The following ERBIN variants were observed in gnomAD, a reference collection of about 807,000 sequenced individuals.
ERBIN encodes the protein erbb2 interacting protein, also known as densin-180-like protein.
A neutral mutation model predicts 158.4 loss-of-function variants in ERBIN; 60 were observed. The observed-to-expected ratio is 0.38, with a 90% CI of 0.31 to 0.47. ERBIN has a LOEUF of 0.47. Among genes scored for constraint, ERBIN ranks in the 20% least tolerant of loss-of-function variants. The pLI, the probability that ERBIN is intolerant of heterozygous loss-of-function variation, is 0.99. For synonymous variants in ERBIN, 594 were observed against 557.2 expected (o/e 1.07, Z -0.93); for missense variants, 1,610 against 1,648.0 (o/e 0.98, Z 0.40).
intron 25 of ERBIN, 33 bp from the exon 26 acceptor site, chr5:66,078,390 A>T: frequency 1.5e-6 from 2 of 1,306,214 alleles, no homozygotes; most frequent in Non-Finnish European, 2.2e-6. Context: ...TAACTATAAA[A>T]TGTTTTTCCT....
chr5:65,956,464 CCT>C (rs1747145842), intron 1 of ERBIN, among the ~76,000 whole-genome samples: 1 of 148,374 alleles, frequency 6.7e-6, no homozygotes, highest in Non-Finnish European at 1.5e-5. Context: ...GCAACCTTTG[CCT>C]CTCAGGCTCA....
intron 22 of ERBIN, among the ~76,000 whole-genome samples, chr5:66,073,777 T>C (rs1041617581): frequency 1.3e-5 from 2 of 152,158 alleles, no homozygotes; most frequent in Admixed American, 1.3e-4. Context: ...AGATTTTCTG[T>C]CTGTTAATAA....
chr5:66,070,241 C>T (rs1761408040), intron 21 of ERBIN, among the ~76,000 whole-genome samples: 1 of 152,004 alleles, frequency 6.6e-6, no homozygotes, highest in Non-Finnish European at 1.5e-5. Context: ...GACGGGGTTT[C>T]ACTATGTTGG....
intron 2 of ERBIN, among the ~76,000 whole-genome samples, chr5:65,989,193 T>A (rs959099738): frequency 6.6e-6 from 1 of 152,174 alleles, no homozygotes; most frequent in African/African-American, 2.4e-5. Context: ...TCCTTTTGGA[T>A]TATTTCCTTG....
At chr5:65,975,066 GGT>G (rs1749702641) in intron 1 of ERBIN, among the ~76,000 whole-genome samples, 1 of 152,184 alleles carries the variant, frequency 6.6e-6, no homozygotes, top group South Asian at 2.1e-4. Flanking sequence ...GGATTGCAGT[GGT>G]GTGATCTTGG....
At chr5:65,991,734 G>A (rs933277905) in intron 2 of ERBIN, among the ~76,000 whole-genome samples, 4 of 152,160 alleles carry the variant, frequency 2.6e-5, no homozygotes, top group Non-Finnish European at 5.9e-5. Context: ...AGTTGGCCCT[G>A]AGAATGTTCA....
intron 2 of ERBIN, among the ~76,000 whole-genome samples, 169 bp from the exon 3 acceptor site, chr5:65,992,541 G>T (rs1159482763): frequency 6.6e-6 from 1 of 152,160 alleles, no homozygotes; most frequent in Non-Finnish European, 1.5e-5. Flanking sequence ...AAATCCAGTA[G>T]TTATAAATGT....
At chr5:65,985,620 C>G (rs16875261) in intron 1 of ERBIN, among the ~76,000 whole-genome samples, 2 of 152,134 alleles carry the variant, frequency 1.3e-5, no homozygotes, top group African/African-American at 2.4e-5. Flanking sequence ...ATCCTACTTA[C>G]GAAAATTATC....
chr5:66,000,548 A>C (rs1306629499), intron 4 of ERBIN, among the ~76,000 whole-genome samples: 1 of 152,164 alleles, frequency 6.6e-6, no homozygotes, highest in East Asian at 1.9e-4. Context: ...TTATGTGATC[A>C]AAAGATTTAG....
At chr5:66,049,026 G>C (rs1732284675) in intron 19 of ERBIN, among the ~76,000 whole-genome samples, 2 of 151,902 alleles carry the variant, frequency 1.3e-5, no homozygotes, top group South Asian at 4.1e-4. Flanking sequence ...GATAAACTTG[G>C]ATTGTTCATT....
At chr5:66,025,035 A>G (rs1723280670) in intron 10 of ERBIN, among the ~76,000 whole-genome samples, 3 of 152,102 alleles carry the variant, frequency 2.0e-5, no homozygotes, top group African/African-American at 4.8e-5. Context: ...CACTTTTTAA[A>G]CTTAAAAAAT....
intron 8 of ERBIN, among the ~76,000 whole-genome samples, chr5:66,022,339 T>C (rs1755789015): frequency 6.6e-6 from 1 of 152,232 alleles, no homozygotes; most frequent in Admixed American, 6.5e-5. Context: ...AAAATCGTCA[T>C]TAGTTTTTGT....
rs762532828 is a variant in ERBIN at position 66,054,311 on chromosome 5, C to A, written c.2993C>A (p.Pro998His). 6.2e-7 allele frequency: 1 copy of A among 1,614,140 alleles called. No homozygotes were observed. Among genetic ancestry groups the A allele is most frequent in the South Asian group, 1.1e-5 (1 of 91,084 alleles). Residue 998 changes from proline (P) to histidine (H), a missense_variant, in exon 21 of 26, where the codon CCC (proline) becomes CAC (histidine). Coordinates refer to ENST00000284037, the MANE Select transcript of ERBIN (RefSeq NM_001253697.2). ...ACTTTGTGGCACTCCAAACAAAATCCCCAAATAGACCATGCCAGTTTTCCT... is the reference window on the plus strand; with the variant it reads ...ACTTTGTGGCACTCCAAACAAAATCACCAAATAGACCATGCCAGTTTTCCT... Reference protein sequence around the residue: ...KDTLWHSKQNPQIDHASFPPQ... With the variant: ...KDTLWHSKQNHQIDHASFPPQ...
At chr5:65,996,023 A>G (rs1381056446) in intron 4 of ERBIN, among the ~76,000 whole-genome samples, 2 of 152,074 alleles carry the variant, frequency 1.3e-5, no homozygotes, top group African/African-American at 2.4e-5. Flanking sequence ...CCCTTCTCAG[A>G]TGTATAGCTT....
intron 14 of ERBIN, among the ~76,000 whole-genome samples, chr5:66,033,073 T>C (rs1757050500): frequency 6.6e-6 from 1 of 152,218 alleles, no homozygotes; most frequent in Non-Finnish European, 1.5e-5. Context: ...TCTGTATGGT[T>C]TCTGTGCTCT....
intron 1 of ERBIN, among the ~76,000 whole-genome samples, chr5:65,959,788 A>G (rs1747711190): frequency 6.6e-6 from 1 of 152,208 alleles, no homozygotes; most frequent in Non-Finnish European, 1.5e-5. Context: ...AACCCATACA[A>G]ATAATTTAAA....
intron 17 of ERBIN, 50 bp from the exon 18 acceptor site, chr5:66,046,303 T>C (rs1177107691): frequency 9.1e-7 from 1 of 1,093,400 alleles, no homozygotes; most frequent in Non-Finnish European, 1.3e-6. Flanking sequence ...ACTTTTAAAA[T>C]AGATATAAAA....
chr5:65,992,669 A>G, intron 2 of ERBIN, 41 bp from the exon 3 acceptor site: 2 of 1,420,308 alleles, frequency 1.4e-6, no homozygotes, highest in Non-Finnish European at 9.6e-7. Flanking sequence ...AAACCGTTGT[A>G]ATATGTATGT....
intron 4 of ERBIN, among the ~76,000 whole-genome samples, chr5:66,006,283 G>A (rs1723779613): frequency 6.6e-6 from 1 of 152,168 alleles, no homozygotes; most frequent in African/African-American, 2.4e-5. Flanking sequence ...ACAAAAACAA[G>A]CAATGGGGAA....
Sources: allele counts gnomAD v4.1 joint callset (sites outside exome capture counted in the v4.1 genomes callset), GRCh38; gene constraint gnomAD v4.1.1; transcripts MANE v1.5; gene names NCBI Gene and HGNC (gene_info 2026-07-23, HGNC 2026-07-21).